The following LHFPL3 variants were observed in gnomAD, a reference collection of about 807,000 sequenced individuals.
LHFPL3 encodes the protein LHFPL tetraspan subfamily member 3 protein.
LHFPL3 carries 5 observed loss-of-function variants against 19.3 expected under a neutral mutation model. The ratio of observed to expected loss-of-function variants is 0.26; its 90% CI spans 0.14 to 0.54. The LOEUF is 0.54. Among genes scored for constraint, LHFPL3 ranks in the 20% least tolerant of loss-of-function variants. The pLI, the probability that LHFPL3 is intolerant of heterozygous loss-of-function variation, is 0.94. For missense variants in LHFPL3, 249 were observed against 307.4 expected (o/e 0.81, Z 1.42); for synonymous variants, 133 against 126.2 (o/e 1.05, Z -0.36).
chr7:104,611,463 G>A (rs549374137), intron 1 of LHFPL3, among the ~76,000 whole-genome samples: 9 of 152,156 alleles, frequency 5.9e-5, no homozygotes, highest in Non-Finnish European at 1.3e-4. Flanking sequence ...GCACAGTTTT[G>A]CCTTAGCTAA....
At chr7:104,522,972 CTGTGTGTGTG>C (rs10541183) in intron 1 of LHFPL3, among the ~76,000 whole-genome samples, 1 of 150,588 alleles carries the variant, frequency 6.6e-6, no homozygotes, top group Non-Finnish European at 1.5e-5. Flanking sequence ...CTATATATAT[CTGTGTGTGTG>C]TGTGTGTGTA....
intron 1 of LHFPL3, among the ~76,000 whole-genome samples, chr7:104,700,315 G>A (rs531824673): frequency 1.3e-5 from 2 of 152,108 alleles, no homozygotes; most frequent in Non-Finnish European, 1.5e-5. Context: ...TTTCCTTAAC[G>A]TCTCCACTCA....
rs375982793 is a variant in LHFPL3 at position 104,355,113 on chromosome 7, CT to C, written c.445+25891del. Reference sequence around the variant, plus strand: ...GGATATGCCTGATTATTAGAAAGCTCTTCCTGTATTGGGCCAAATAGTACTG... The same window carrying C: ...GGATATGCCTGATTATTAGAAAGCTCTCCTGTATTGGGCCAAATAGTACTG... On this transcript the variant is annotated intron_variant, in intron 1 of 2. Coordinates refer to ENST00000424859, the MANE Select transcript of LHFPL3 (RefSeq NM_199000.3). Among the ~76,000 whole-genome samples the C allele has an allele frequency of 5.6e-4, 86 of 152,282 alleles. 1 individual carries two copies. The East Asian group carries it at 0.015, about 27-fold the overall frequency.
intron 2 of LHFPL3, among the ~76,000 whole-genome samples, chr7:104,762,480 C>A (rs762336158): frequency 1.3e-5 from 2 of 151,924 alleles, no homozygotes; most frequent in Non-Finnish European, 2.9e-5. Context: ...GAAGAGGAGA[C>A]CAAGGGCAGG....
intron 2 of LHFPL3, among the ~76,000 whole-genome samples, chr7:104,759,551 A>C (rs1794339889): frequency 6.6e-6 from 1 of 152,290 alleles, no homozygotes; most frequent in Admixed American, 6.5e-5. Context: ...CCACATTTCC[A>C]GTGCTCAATG....
At chr7:104,396,777 C>A (rs562769648) in intron 1 of LHFPL3, among the ~76,000 whole-genome samples, 46 of 151,972 alleles carry the variant, frequency 3.0e-4, no homozygotes, top group African/African-American at 1.1e-3. Context: ...GGCAACACGG[C>A]AAAATCCTGC....
chr7:104,770,974 C>T (rs1398757448), intron 2 of LHFPL3, among the ~76,000 whole-genome samples: 1 of 152,150 alleles, frequency 6.6e-6, no homozygotes, highest in Non-Finnish European at 1.5e-5. Flanking sequence ...TGAATCCCCG[C>T]AAGCCCCTAG....
intron 2 of LHFPL3, among the ~76,000 whole-genome samples, chr7:104,858,366 A>T (rs1184807972): frequency 6.6e-6 from 1 of 152,216 alleles, no homozygotes; most frequent in Non-Finnish European, 1.5e-5. Flanking sequence ...TCCATCCAGG[A>T]CCACACCCAT....
At chr7:104,704,536 TTA>T (rs1259816347) in intron 1 of LHFPL3, among the ~76,000 whole-genome samples, 1 of 152,094 alleles carries the variant, frequency 6.6e-6, no homozygotes, top group African/African-American at 2.4e-5. Context: ...TTTTTTTTTT[TTA>T]GTACTTCCCT....
At chr7:104,504,477 T>C (rs1050426233) in intron 1 of LHFPL3, among the ~76,000 whole-genome samples, 23 of 152,212 alleles carry the variant, frequency 1.5e-4, no homozygotes, top group African/African-American at 4.6e-4. Flanking sequence ...ATCCCTTGGA[T>C]GGGAAAATTT....
At chr7:104,753,238 A>G (rs1464808964) in intron 2 of LHFPL3, among the ~76,000 whole-genome samples, 1 of 152,184 alleles carries the variant, frequency 6.6e-6, no homozygotes, top group Non-Finnish European at 1.5e-5. Flanking sequence ...TTGAATGCAT[A>G]AACAGGCTCT....
intron 1 of LHFPL3, among the ~76,000 whole-genome samples, chr7:104,528,125 C>A (rs1794225360): frequency 1.3e-5 from 2 of 152,110 alleles, no homozygotes; most frequent in Non-Finnish European, 2.9e-5. Context: ...ATACATTTTC[C>A]ACAAAGGAAA....
At chr7:104,666,943 T>C (rs1019833791) in intron 1 of LHFPL3, among the ~76,000 whole-genome samples, 7 of 152,184 alleles carry the variant, frequency 4.6e-5, no homozygotes, top group Non-Finnish European at 1.0e-4. Flanking sequence ...TGAACAGTAC[T>C]ATGATAAACA....
chr7:104,504,331 A>G (rs936608543), intron 1 of LHFPL3, among the ~76,000 whole-genome samples: 2 of 152,210 alleles, frequency 1.3e-5, no homozygotes, highest in Admixed American at 6.5e-5. Context: ...TATGTTTATA[A>G]ACAGGATTTC....
At chr7:104,707,558 A>G (rs1793215223) in intron 1 of LHFPL3, among the ~76,000 whole-genome samples, 1 of 152,196 alleles carries the variant, frequency 6.6e-6, no homozygotes, top group African/African-American at 2.4e-5. Context: ...CATCCCTGAG[A>G]GAGGCTCTGC....
In LHFPL3 at chr7:104,433,819, C is replaced by A. The variant is rs1019614292; in HGVS notation, c.445+104595C>A. On this transcript the variant is annotated intron_variant, in intron 1 of 2. Transcript: ENST00000424859. ...TTATCTTTTTTACAACTGTTACTGA[C>A]TTCTGTCTTCCCTTCTACACTGTAA... Among the ~76,000 whole-genome samples the A allele has an allele frequency of 1.3e-5, 2 of 152,106 alleles. 1 individual carries two copies. The highest frequency in any genetic ancestry group is 1.3e-4 in the Admixed American group (2 of 15,262).
chr7:104,383,311 C>T (rs1790867313), intron 1 of LHFPL3, among the ~76,000 whole-genome samples: 1 of 152,140 alleles, frequency 6.6e-6, no homozygotes, highest in African/African-American at 2.4e-5. Flanking sequence ...GGTCTTGGGC[C>T]ACAAGGACCG....
intron 1 of LHFPL3, among the ~76,000 whole-genome samples, chr7:104,556,304 C>A (rs1438708380): frequency 6.6e-6 from 1 of 152,226 alleles, no homozygotes; most frequent in African/African-American, 2.4e-5. Context: ...GGTCCCCCCC[C>A]TGCAGCAAAC....
chr7:104,433,002 T>A (rs1354870729), intron 1 of LHFPL3, among the ~76,000 whole-genome samples: 3 of 152,180 alleles, frequency 2.0e-5, no homozygotes, highest in African/African-American at 4.8e-5. Flanking sequence ...AATTTTTTGG[T>A]CTCGGGTAAG....
Sources: gnomAD v4.1 joint callset for allele counts (sites outside exome capture counted in the v4.1 genomes callset) on GRCh38, gnomAD v4.1.1 for gene constraint, MANE v1.5 for transcripts, NCBI Gene and HGNC (gene_info 2026-07-23, HGNC 2026-07-21) for gene names.